RAB7A: variants seen among roughly 807,000 people sequenced by gnomAD.
RAB7A encodes ras-related protein Rab-7a.
RAB7A carries 2 observed loss-of-function variants against 24.5 expected under a neutral mutation model. The ratio of observed to expected loss-of-function variants is 0.08; its 90% confidence interval spans 0.03 to 0.26. The LOEUF is 0.26. Among genes scored for constraint, RAB7A ranks in the 10% least tolerant of loss-of-function variants. The pLI is 1.00. For synonymous variants in RAB7A, 100 were observed against 95.9 expected (o/e 1.04, Z -0.25); for missense variants, 118 against 255.7 (o/e 0.46, Z 3.67).
At chr3:128,788,257 C>G (rs148252389) in intron 1 of RAB7A, among the ~76,000 whole-genome samples, 113 of 152,228 alleles carry the variant, frequency 7.4e-4, no homozygotes, top group Admixed American at 1.5e-3. Context: ...CACAGAGAAG[C>G]TCTTGAAGTG....
chr3:128,742,873 T>G (rs1238697368), intron 1 of RAB7A, among the ~76,000 whole-genome samples: 1 of 152,226 alleles, frequency 6.6e-6, no homozygotes, highest in Non-Finnish European at 1.5e-5. Context: ...GCCTAGCGGA[T>G]CCCGTGCCAG....
intron 4 of RAB7A, among the ~76,000 whole-genome samples, chr3:128,806,894 C>T (rs1217293847): frequency 1.3e-5 from 2 of 152,374 alleles, no homozygotes; most frequent in East Asian, 3.9e-4. Flanking sequence ...TAGTGCCCTC[C>T]CAGTACCTCC....
At position 128,813,410 on chromosome 3, in the gene RAB7A, C is replaced by T. The variant is rs773572403; in HGVS notation, c.612C>T (p.Ser204=). The T allele has an allele frequency of 6.2e-7, 1 of 1,614,174 alleles. No individual in the cohort carries two copies. The highest frequency in any genetic ancestry group is 1.1e-5 in the South Asian group (1 of 91,088). The part of the protein sequence containing the change: ...KNDRAKASAE[S]CSC ...ACCGGGCCAAGGCCTCGGCAGAAAG[C>T]TGCAGTTGCTGAGGGGGCAGTGAGA... The change falls in exon 6 of 6, where the codon AGC becomes AGT. Residue 204 remains serine, a synonymous_variant. Coordinates refer to ENST00000265062, the MANE Select transcript of RAB7A (RefSeq NM_004637.6).
chr3:128,781,860 A>C (rs185456462), intron 1 of RAB7A, among the ~76,000 whole-genome samples: 75 of 152,250 alleles, frequency 4.9e-4, no homozygotes, highest in Non-Finnish European at 6.9e-4. Flanking sequence ...CAAAAATACA[A>C]AAATCAGTTG....
chr3:128,750,611 C>T (rs1430866278), intron 1 of RAB7A, among the ~76,000 whole-genome samples: 1 of 152,016 alleles, frequency 6.6e-6, no homozygotes, highest in Non-Finnish European at 1.5e-5. Flanking sequence ...GATTTGGGTA[C>T]TATTAAAGGC....
intron 5 of RAB7A, among the ~76,000 whole-genome samples, chr3:128,810,019 G>A (rs1483694905): frequency 7.4e-6 from 1 of 135,218 alleles, no homozygotes. Flanking sequence ...CGTGATCTCG[G>A]CTCACTGCAA....
At chr3:128,795,220 C>T in intron 1 of RAB7A, 140 bp from the exon 2 acceptor site, 3 of 747,600 alleles carry the variant, frequency 4.0e-6, no homozygotes, top group South Asian at 1.5e-5. Flanking sequence ...TTTATCAGTG[C>T]CCCCTGGTGG....
intron 1 of RAB7A, among the ~76,000 whole-genome samples, chr3:128,759,512 TA>T (rs1434664314): frequency 2.6e-5 from 4 of 152,244 alleles, no homozygotes; most frequent in Admixed American, 1.3e-4. Flanking sequence ...TTTTAAGTTT[TA>T]GTCCTTTTAC....
At chr3:128,778,651 T>G (rs192949092) in intron 1 of RAB7A, among the ~76,000 whole-genome samples, 1 of 152,368 alleles carries the variant, frequency 6.6e-6, no homozygotes, top group East Asian at 1.9e-4. Context: ...ATCCTGTTTT[T>G]CTTCATATGT....
chr3:128,758,696 CTG>C (rs1208237408), intron 1 of RAB7A, among the ~76,000 whole-genome samples: 2 of 152,140 alleles, frequency 1.3e-5, no homozygotes, highest in Non-Finnish European at 2.9e-5. Context: ...GCTTCTGTCT[CTG>C]AGCATTAGTT....
At chr3:128,741,801 TA>T (rs2070557169) in intron 1 of RAB7A, among the ~76,000 whole-genome samples, 1 of 152,218 alleles carries the variant, frequency 6.6e-6, no homozygotes, top group South Asian at 2.1e-4. Flanking sequence ...CGCATACATA[TA>T]CATACACACA....
chr3:128,758,282 T>G (rs963570026), intron 1 of RAB7A, among the ~76,000 whole-genome samples: 18 of 149,892 alleles, frequency 1.2e-4, no homozygotes, highest in East Asian at 1.9e-4. Flanking sequence ...TTGTTTTTTT[T>G]TTTTTTTTGA....
chr3:128,813,197 T>G (rs1933963410), intron 5 of RAB7A, 130 bp from the exon 6 acceptor site: 1 of 864,370 alleles, frequency 1.2e-6, no homozygotes, highest in Non-Finnish European at 2.0e-6. Context: ...GTGGGCAGGC[T>G]CTGCTTCACA....
At chr3:128,768,070 C>T (rs544076865) in intron 1 of RAB7A, among the ~76,000 whole-genome samples, 1 of 152,186 alleles carries the variant, frequency 6.6e-6, no homozygotes, top group East Asian at 1.9e-4. Context: ...TCGTAATTCA[C>T]CCTCCTGCCT....
chr3:128,746,514 TTTTTTTATTTTTTA>T (rs1209788638), intron 1 of RAB7A, among the ~76,000 whole-genome samples: 1 of 151,812 alleles, frequency 6.6e-6, no homozygotes, highest in Non-Finnish European at 1.5e-5. Flanking sequence ...ATTTTTTTTA[TTTTTTTATTTTTTA>T]TTTTTTATTT....
chr3:128,794,313 G>T (rs997237358), intron 1 of RAB7A, among the ~76,000 whole-genome samples: 1 of 152,130 alleles, frequency 6.6e-6, no homozygotes, highest in Non-Finnish European at 1.5e-5. Context: ...TATTTATTCA[G>T]TCTTCACAGC....
intron 1 of RAB7A, among the ~76,000 whole-genome samples, chr3:128,755,576 C>G (rs2070722931): frequency 6.6e-6 from 1 of 152,154 alleles, no homozygotes; most frequent in African/African-American, 2.4e-5. Flanking sequence ...TTGACAATCC[C>G]TTACCTAGAT....
intron 5 of RAB7A, among the ~76,000 whole-genome samples, chr3:128,812,532 T>A (rs762791303): frequency 2.0e-4 from 31 of 152,364 alleles, no homozygotes; most frequent in Non-Finnish European, 4.1e-4. Context: ...TCCTGCTTTA[T>A]CTCCAAATTC....
intron 1 of RAB7A, among the ~76,000 whole-genome samples, chr3:128,745,154 G>A (rs1334001829): frequency 6.6e-6 from 1 of 151,892 alleles, no homozygotes; most frequent in Non-Finnish European, 1.5e-5. Context: ...GATTATAGGC[G>A]TGAGCTGCCG....
Sources: gnomAD v4.1 joint callset for allele counts (sites outside exome capture counted in the v4.1 genomes callset) on GRCh38, gnomAD v4.1.1 for gene constraint, MANE v1.5 for transcripts, NCBI Gene and HGNC (gene_info 2026-07-23, HGNC 2026-07-21) for gene names.